The following ZNF124 variants were observed in gnomAD, a reference collection of about 807,000 sequenced individuals.
ZNF124 encodes zinc finger protein 124.
A neutral mutation model predicts 26.6 loss-of-function variants in ZNF124; 25 were observed. The ratio of observed to expected loss-of-function variants is 0.94; its 90% CI spans 0.68 to 1.31. ZNF124 has a LOEUF of 1.31. ZNF124 is among the 40% of genes most tolerant of loss of function. The pLI is 0.00. For missense variants in ZNF124, 444 were observed against 422.2 expected (o/e 1.05, Z -0.45); for synonymous variants, 129 against 133.3 (o/e 0.97, Z 0.22).
At position 247,159,719 on chromosome 1, in the gene ZNF124, A is replaced by G; in HGVS notation, c.125T>C (p.Met42Thr). 1 of 1,613,134 alleles carries G rather than the reference A, an allele frequency of 6.2e-7. No homozygotes were observed. The stretch of plus-strand genomic sequence containing the variant: ...AGCCAGATTCCTGAAGGTTTCCTGC[A>G]TCACGTCTCTATAGAGATTCTTCTG... ...PSQKNLYRDV[M>T]QETFRNLASI... Residue 42 changes from methionine to threonine, a missense_variant, in exon 2 of 4, where the codon ATG becomes ACG. By Grantham distance (81) the Met-to-Thr change is moderately conservative. Coordinates refer to ENST00000543802, the MANE Select transcript of ZNF124 (RefSeq NM_001297568.2).
intron 3 of ZNF124, among the ~76,000 whole-genome samples, chr1:247,158,050 G>C (rs987106017): frequency 6.6e-6 from 1 of 152,000 alleles, no homozygotes; most frequent in Non-Finnish European, 1.5e-5. Context: ...AGGAATTCAA[G>C]ACCAGCCTGG....
At chr1:247,127,671 C>T (rs1672240649) in intron 3 of ZNF124, among the ~76,000 whole-genome samples, 1 of 148,642 alleles carries the variant, frequency 6.7e-6, no homozygotes, top group Admixed American at 7.0e-5. Context: ...CTGTTCTGTT[C>T]CGTTCTGATT....
At chr1:247,125,439 T>C (rs1212775398) in intron 3 of ZNF124, among the ~76,000 whole-genome samples, 87 of 107,030 alleles carry the variant, frequency 8.1e-4, no homozygotes, top group Middle Eastern at 4.2e-3. Flanking sequence ...TCTTTTTTTT[T>C]TTTTTTTTTT....
intron 3 of ZNF124, among the ~76,000 whole-genome samples, chr1:247,149,300 A>G (rs1292749115): frequency 1.3e-5 from 2 of 152,228 alleles, no homozygotes; most frequent in East Asian, 1.9e-4. Flanking sequence ...GCTCATCACA[A>G]TATTAAACTA....
intron 3 of ZNF124, among the ~76,000 whole-genome samples, chr1:247,127,793 A>C (rs1157096368): frequency 6.7e-6 from 1 of 149,838 alleles, no homozygotes; most frequent in Non-Finnish European, 1.5e-5. Flanking sequence ...GGAATTGCTC[A>C]CTTGGGGAGC....
intron 3 of ZNF124, among the ~76,000 whole-genome samples, chr1:247,144,312 C>G (rs1364915022): frequency 2.0e-5 from 3 of 152,192 alleles, no homozygotes; most frequent in East Asian, 1.9e-4. Context: ...GACATTTTAT[C>G]TAGAAAAGCC....
chr1:247,150,844 G>A (rs994376627), downstream of ZNF124, among the ~76,000 whole-genome samples: 1 of 151,372 alleles, frequency 6.6e-6, no homozygotes, highest in Non-Finnish European at 1.5e-5. Context: ...GGCCTTAAGA[G>A]AAATATTTCT....
chr1:247,156,456 A>G lies in ZNF124; in HGVS notation c.*110T>C. On this transcript the variant is annotated 3_prime_UTR_variant, in exon 4 of 4. Coordinates refer to ENST00000543802, the MANE Select transcript of ZNF124 (RefSeq NM_001297568.2). ...ATCTCCAGTTTGATTCGTTTCATGTATTTGAGGAAATCTGGGAAAATTAAG... is the reference window on the plus strand; with the variant it reads ...ATCTCCAGTTTGATTCGTTTCATGTGTTTGAGGAAATCTGGGAAAATTAAG... The G allele has an allele frequency of 1.5e-6, 2 of 1,343,206 alleles. No homozygotes were observed. The highest frequency in any genetic ancestry group is 9.6e-7 in the Non-Finnish European group (1 of 1,046,358). The allele number at this position is 1,343,206 out of a possible 1,614,324, so 83.2% of individuals were successfully genotyped here. A position where few individuals can be genotyped will look rare whatever the true frequency, so the allele number is the denominator to read the frequency against.
At chr1:247,169,653 C>G (rs1246605259) in intron 1 of ZNF124, among the ~76,000 whole-genome samples, 2 of 150,928 alleles carry the variant, frequency 1.3e-5, no homozygotes, top group African/African-American at 4.9e-5. Flanking sequence ...GTTCCTGCCT[C>G]ACTGCGGGGC....
chr1:247,132,131 G>A (rs907017153), intron 3 of ZNF124, among the ~76,000 whole-genome samples: 1 of 152,108 alleles, frequency 6.6e-6, no homozygotes, highest in African/African-American at 2.4e-5. Context: ...GCATGGGAGT[G>A]AATCAGATGA....
At chr1:247,128,718 T>C (rs2103098864) in intron 3 of ZNF124, among the ~76,000 whole-genome samples, 1 of 149,186 alleles carries the variant, frequency 6.7e-6, no homozygotes, top group South Asian at 2.1e-4. Context: ...ATTTCTGCCC[T>C]CTGGATTGTC....
At chr1:247,148,495 A>C (rs1439033424) in intron 3 of ZNF124, among the ~76,000 whole-genome samples, 5 of 152,240 alleles carry the variant, frequency 3.3e-5, no homozygotes, top group African/African-American at 1.2e-4. Context: ...TGAGATTCCT[A>C]GGCCTGATGA....
chr1:247,146,818 C>T (rs1328730989), intron 3 of ZNF124, among the ~76,000 whole-genome samples: 1 of 152,106 alleles, frequency 6.6e-6, no homozygotes, highest in Non-Finnish European at 1.5e-5. Flanking sequence ...AAAGTTCACT[C>T]CCAAAGAGAC....
chr1:247,130,574 G>A (rs1033736463), intron 3 of ZNF124, among the ~76,000 whole-genome samples: 2 of 152,182 alleles, frequency 1.3e-5, no homozygotes, highest in African/African-American at 4.8e-5. Flanking sequence ...ATTTTTAGAT[G>A]TGTTAACATC....
chr1:247,169,601 T>A (rs559988264), intron 1 of ZNF124, among the ~76,000 whole-genome samples: 2 of 148,848 alleles, frequency 1.3e-5, no homozygotes, highest in Non-Finnish European at 3.0e-5. Context: ...CAGAAACCTG[T>A]GCCGTGTCCC....
In ZNF124 at chr1:247,156,211, G is replaced by C; in HGVS notation, c.*355C>G. The C allele has an allele frequency of 2.0e-6, 2 of 1,005,764 alleles. No individual in the cohort carries two copies. The highest frequency in any genetic ancestry group is 2.4e-6 in the Non-Finnish European group (2 of 844,328). The allele number at this position is 1,005,764 out of a possible 1,614,324, so 62.3% of individuals were successfully genotyped here. A position where few individuals can be genotyped will look rare whatever the true frequency, so the allele number is the denominator to read the frequency against. On this transcript the variant is annotated 3_prime_UTR_variant, in exon 4 of 4. Transcript: ENST00000543802. ...AGTATGTGTTACCATGTGTCTCTGA[G>C]TGAGTTATAGGATAAATGAAGGCAT...
At chr1:247,150,896 A>C (rs1326001461), downstream of ZNF124, among the ~76,000 whole-genome samples, 3 of 151,762 alleles carry the variant, frequency 2.0e-5, no homozygotes, top group Non-Finnish European at 4.4e-5. Context: ...ATAACAAATA[A>C]AATTTTATTA....
At chr1:247,128,757 C>T (rs1266104400) in intron 3 of ZNF124, among the ~76,000 whole-genome samples, 1 of 148,360 alleles carries the variant, frequency 6.7e-6, no homozygotes, top group South Asian at 2.1e-4. Context: ...AACAGCTATT[C>T]CAAAGTACAA....
intron 3 of ZNF124, among the ~76,000 whole-genome samples, chr1:247,142,396 T>A (rs912599781): frequency 4.6e-5 from 7 of 152,236 alleles, no homozygotes; most frequent in Admixed American, 4.6e-4. Context: ...ATATAAGACA[T>A]CTGATGTCTT....
Sources: gnomAD v4.1 joint callset for allele counts (sites outside exome capture counted in the v4.1 genomes callset) on GRCh38, gnomAD v4.1.1 for gene constraint, MANE v1.5 for transcripts, NCBI Gene and HGNC (gene_info 2026-07-23, HGNC 2026-07-21) for gene names.